Variants in LHPP observed in about 807,000 individuals in gnomAD.
LHPP encodes phospholysine phosphohistidine inorganic pyrophosphate phosphatase.
A neutral mutation model predicts 30.3 loss-of-function variants in LHPP; 24 were observed. The observed-to-expected ratio is 0.79, with a 90% CI of 0.57 to 1.11. LHPP has a LOEUF of 1.11. Ranked by LOEUF, LHPP falls within the 50% of genes most tolerant of loss-of-function variation. The pLI is 0.00. For missense variants in LHPP, 356 were observed against 367.2 expected, an observed-to-expected ratio of 0.97 and a Z score of 0.25; for synonymous variants, 150 against 157.1, an observed-to-expected ratio of 0.95 and a Z score of 0.34.
chr10:124,573,177 C>T (rs1291000425), intron 6 of LHPP, among the ~76,000 whole-genome samples: 3 of 152,208 alleles, frequency 2.0e-5, no homozygotes, highest in Admixed American at 6.5e-5. Flanking sequence ...TTCATATGTA[C>T]AGAAAAGTTA....
chr10:124,584,350 C>T (rs1311907069), intron 6 of LHPP, among the ~76,000 whole-genome samples: 8 of 142,868 alleles, frequency 5.6e-5, no homozygotes, highest in South Asian at 4.4e-4. Context: ...GGCAACAGAG[C>T]GAGACTCTGT....
intron 5 of LHPP, among the ~76,000 whole-genome samples, chr10:124,515,438 A>G (rs1338852978): frequency 6.6e-6 from 1 of 151,418 alleles, no homozygotes; most frequent in Non-Finnish European, 1.5e-5. Flanking sequence ...GCTCATTCTC[A>G]CCTCTCTGTC....
intron 6 of LHPP, among the ~76,000 whole-genome samples, chr10:124,547,336 A>G (rs1955374314): frequency 1.3e-5 from 2 of 152,284 alleles, no homozygotes; most frequent in South Asian, 2.1e-4. Flanking sequence ...ACTTATTTTC[A>G]TGTTTTTAAA....
At chr10:124,599,757 C>G (rs565441527) in intron 6 of LHPP, among the ~76,000 whole-genome samples, 11 of 152,340 alleles carry the variant, frequency 7.2e-5, no homozygotes, top group African/African-American at 2.4e-4. Flanking sequence ...ACTTGGAGTG[C>G]CCAGGAGCTG....
intron 6 of LHPP, among the ~76,000 whole-genome samples, chr10:124,531,224 A>AC (rs1237905145): frequency 6.6e-6 from 1 of 151,724 alleles, no homozygotes; most frequent in African/African-American, 2.4e-5. Context: ...CTGCCCTCCA[A>AC]CCCCACACCC....
At chr10:124,488,352 G>C in intron 2 of LHPP, 70 bp from the exon 3 acceptor site, 3 of 1,407,096 alleles carry the variant, frequency 2.1e-6, no homozygotes, top group Non-Finnish European at 3.0e-6. Flanking sequence ...GGTGTCCCTG[G>C]TAGGAGATGG....
At chr10:124,466,544 C>T (rs949409801) in intron 1 of LHPP, among the ~76,000 whole-genome samples, 1 of 152,114 alleles carries the variant, frequency 6.6e-6, no homozygotes, top group Non-Finnish European at 1.5e-5. Context: ...GTAACCTCTG[C>T]CTCCTGGGTT....
chr10:124,610,623 G>A (rs1949169724), intron 6 of LHPP, among the ~76,000 whole-genome samples: 1 of 62,358 alleles, frequency 1.6e-5, no homozygotes, highest in Non-Finnish European at 2.9e-5. Flanking sequence ...GCGGGCGAGG[G>A]TGAGGGTGAG....
intron 3 of LHPP, among the ~76,000 whole-genome samples, chr10:124,491,359 G>A (rs1414340652): frequency 6.6e-6 from 1 of 152,182 alleles, no homozygotes; most frequent in Non-Finnish European, 1.5e-5. Flanking sequence ...TGATGGAACC[G>A]ACAGGGAGGG....
intron 6 of LHPP, among the ~76,000 whole-genome samples, chr10:124,522,873 G>T (rs981527456): frequency 6.6e-6 from 1 of 152,098 alleles, no homozygotes; most frequent in African/African-American, 2.4e-5. Context: ...CAGTTCCAAG[G>T]TGCCCTCTCT....
At chr10:124,505,576 T>G (rs1954039016) in intron 5 of LHPP, among the ~76,000 whole-genome samples, 1 of 152,224 alleles carries the variant, frequency 6.6e-6, no homozygotes, top group African/African-American at 2.4e-5. Flanking sequence ...GATTGGAAAT[T>G]CAAACCTCTT....
At position 124,596,402 on chromosome 10, in the gene LHPP, C is replaced by T. The variant is rs932770309; in HGVS notation, c.717-16862C>T. On this transcript the variant is annotated intron_variant, in intron 6 of 6. Transcript: ENST00000368842. This position sits in a 1 kb window ranked among gnomAD's most constrained non-coding sequence, Gnocchi z 4.6. ...CTGAGTTCCCATAGCACCATGTCTT[C>T]TGCAGCACACGATGTGGCCGGACCT... 6.6e-6 allele frequency among the ~76,000 whole-genome samples: 1 copy of T among 152,212 alleles called. No homozygotes were observed. The highest frequency in any genetic ancestry group is 1.5e-5 in the Non-Finnish European group (1 of 68,038).
intron 6 of LHPP, among the ~76,000 whole-genome samples, chr10:124,569,463 G>A (rs556560857): frequency 1.6e-4 from 25 of 152,294 alleles, no homozygotes; most frequent in Admixed American, 2.0e-4. Flanking sequence ...GAGTTCTGTC[G>A]CGGAAAGTCT....
intron 6 of LHPP, among the ~76,000 whole-genome samples, chr10:124,612,180 A>G (rs530804588): frequency 1.7e-4 from 26 of 152,254 alleles, no homozygotes; most frequent in Admixed American, 3.9e-4. Flanking sequence ...AAGGCGGGCA[A>G]ATCACTTGAG....
intron 4 of LHPP, among the ~76,000 whole-genome samples, chr10:124,497,307 A>G (rs1174103974): frequency 6.8e-5 from 4 of 59,120 alleles, no homozygotes; most frequent in Admixed American, 1.8e-4. Context: ...CAGTGGGCGC[A>G]GCCCCCCCTG....
rs745844812 is a variant in LHPP at position 124,478,345 on chromosome 10, G to A, written c.126-5794G>A. On this transcript the variant is annotated intron_variant, in intron 1 of 6. Coordinates refer to ENST00000368842, the MANE Select transcript of LHPP (RefSeq NM_022126.4). The surrounding 1 kb of genome is among the most constrained non-coding windows in gnomAD (Gnocchi z 4.7). ...TGCTATGAGGGCCTCTGGGTCACAC[G>A]AAGGTGACCAGTACCGGGGCTAGAG... Among the ~76,000 whole-genome samples, 28 of 152,314 alleles carry A rather than the reference G, an allele frequency of 1.8e-4. No individual in the cohort carries two copies. The highest frequency in any genetic ancestry group is 2.6e-4 in the Admixed American group (4 of 15,302).
intron 6 of LHPP, among the ~76,000 whole-genome samples, chr10:124,538,071 T>C (rs1287044614): frequency 6.9e-6 from 1 of 145,054 alleles, no homozygotes; most frequent in Non-Finnish European, 1.5e-5. Context: ...TGCTGGGTCC[T>C]CCCACCTGCG....
intron 6 of LHPP, chr10:124,526,168 G>T: frequency 1.0e-6 from 1 of 985,364 alleles, no homozygotes; most frequent in Non-Finnish European, 1.2e-6. Flanking sequence ...AACACGTGTT[G>T]CAAGGCACGT....
At position 124,484,670 on chromosome 10, in the gene LHPP, CAGAG is replaced by C. The variant is rs5788664; in HGVS notation, c.313+368_313+371del. 2.0e-3 allele frequency among the ~76,000 whole-genome samples: 281 copies of C among 143,354 alleles called. 1 individual carries two copies. Among genetic ancestry groups the C allele is most frequent in the East Asian group, 6.5e-3 (32 of 4,896 alleles). The allele number at this position is 143,354 out of a possible 152,430, so 94.0% of individuals were successfully genotyped here. A position where few individuals can be genotyped will look rare whatever the true frequency, so the allele number is the denominator to read the frequency against. On this transcript the variant is annotated intron_variant, in intron 2 of 6. Coordinates refer to ENST00000368842, the MANE Select transcript of LHPP (RefSeq NM_022126.4). ...GTTCTAGCTCCTGTTGAGAAAGAGA[CAGAG>C]AGAGAGAGAGAGAGAGAGAGAGAAA...
Sources: gnomAD v4.1 joint callset for allele counts (sites outside exome capture counted in the v4.1 genomes callset) on GRCh38, gnomAD v4.1.1 for gene constraint, Gnocchi (gnomAD v3.1) non-coding constraint, MANE v1.5 for transcripts, NCBI Gene and HGNC (gene_info 2026-07-23, HGNC 2026-07-21) for gene names.